Variants in ANKS1B observed in about 807,000 individuals in gnomAD.
ANKS1B encodes ankyrin repeat and sterile alpha motif domain-containing protein 1B.
In ANKS1B, 36 loss-of-function variants were observed where a neutral mutation model predicts 148.3. That is an observed-to-expected ratio of 0.24 (90% confidence interval 0.19 to 0.32). The LOEUF is 0.32. Among genes scored for constraint, ANKS1B ranks in the 10% least tolerant of loss-of-function variants. The pLI is 1.00. For synonymous variants in ANKS1B, 542 were observed against 560.8 expected, an observed-to-expected ratio of 0.97 and a Z score of 0.47; for missense variants, 1,157 against 1,542.6, an observed-to-expected ratio of 0.75 and a Z score of 4.19.
intron 9 of ANKS1B, among the ~76,000 whole-genome samples, chr12:99,625,648 T>C (rs193018652): frequency 1.4e-4 from 21 of 152,284 alleles, no homozygotes; most frequent in South Asian, 6.2e-4. Flanking sequence ...TTTAAAAACA[T>C]ACATAGCTGA....
chr12:98,742,553 C>A (rs1399776148), downstream of ANKS1B, among the ~76,000 whole-genome samples: 1 of 152,184 alleles, frequency 6.6e-6, no homozygotes, highest in Non-Finnish European at 1.5e-5. Flanking sequence ...AATAAGTAGA[C>A]CGACTTGAGC....
At chr12:99,000,840 G>A (rs571988210) in intron 17 of ANKS1B, among the ~76,000 whole-genome samples, 172 of 152,184 alleles carry the variant, frequency 1.1e-3, no homozygotes, top group African/African-American at 4.0e-3. Flanking sequence ...TCCTCAAAGT[G>A]CAATCTTGCA....
At chr12:99,062,883 G>A (rs2153563996) in intron 16 of ANKS1B, among the ~76,000 whole-genome samples, 1 of 152,268 alleles carries the variant, frequency 6.6e-6, no homozygotes, top group Non-Finnish European at 1.5e-5. Context: ...TTACGGATCT[G>A]ACAAGGATGG....
intron 12 of ANKS1B, among the ~76,000 whole-genome samples, chr12:99,382,136 T>C (rs576592438): frequency 2.0e-5 from 3 of 152,308 alleles, no homozygotes; most frequent in African/African-American, 7.2e-5. Context: ...ACTTATCTTA[T>C]TGTTCACACA....
chr12:99,728,902 G>C (rs553565342), intron 8 of ANKS1B, among the ~76,000 whole-genome samples: 1 of 152,084 alleles, frequency 6.6e-6, no homozygotes, highest in Non-Finnish European at 1.5e-5. Flanking sequence ...ACCAAACACC[G>C]CATGTTTTCA....
intron 1 of ANKS1B, among the ~76,000 whole-genome samples, chr12:99,893,134 G>A (rs2093200975): frequency 6.6e-6 from 1 of 152,086 alleles, no homozygotes; most frequent in African/African-American, 2.4e-5. Flanking sequence ...CTATAGGCCG[G>A]GTGCAGTGGC....
downstream of ANKS1B, among the ~76,000 whole-genome samples, chr12:98,739,065 A>G (rs1184315795): frequency 6.6e-6 from 1 of 152,182 alleles, no homozygotes; most frequent in Non-Finnish European, 1.5e-5. Context: ...TCTCTTTCAT[A>G]GGTGTGCAAA....
chr12:99,456,589 T>C (rs2095850738), intron 10 of ANKS1B, among the ~76,000 whole-genome samples: 1 of 152,022 alleles, frequency 6.6e-6, no homozygotes, highest in Non-Finnish European at 1.5e-5. Flanking sequence ...TCACAACTTC[T>C]GGAAATGAAG....
intron 10 of ANKS1B, among the ~76,000 whole-genome samples, chr12:99,453,142 T>C (rs1291218747): frequency 1.3e-5 from 2 of 151,778 alleles, no homozygotes; most frequent in Non-Finnish European, 2.9e-5. Flanking sequence ...TACAAAAAAT[T>C]AGCCAGGCGT....
intron 19 of ANKS1B, among the ~76,000 whole-genome samples, chr12:98,828,931 G>A (rs2099272741): frequency 6.6e-6 from 1 of 152,142 alleles, no homozygotes; most frequent in African/African-American, 2.4e-5. Flanking sequence ...CTTTCTGGGT[G>A]CAATGAGATC....
chr12:99,701,495 G>T (rs1413249868), intron 8 of ANKS1B, among the ~76,000 whole-genome samples: 1 of 151,874 alleles, frequency 6.6e-6, no homozygotes, highest in Non-Finnish European at 1.5e-5. Flanking sequence ...GGTAAACGAG[G>T]TATCCACCAC....
At chr12:99,956,108 T>C (rs2095319616) in intron 1 of ANKS1B, among the ~76,000 whole-genome samples, 1 of 151,542 alleles carries the variant, frequency 6.6e-6, no homozygotes, top group African/African-American at 2.4e-5. Flanking sequence ...GTGAAACCTG[T>C]CTCTACTAAA....
At chr12:99,925,921 C>A (rs2094467694) in intron 1 of ANKS1B, among the ~76,000 whole-genome samples, 1 of 152,122 alleles carries the variant, frequency 6.6e-6, no homozygotes, top group African/African-American at 2.4e-5. Context: ...TGATTCTCAT[C>A]TAACTCAATA....
intron 15 of ANKS1B, among the ~76,000 whole-genome samples, chr12:99,145,249 G>T (rs2064991760): frequency 6.6e-6 from 1 of 152,080 alleles, no homozygotes; most frequent in African/African-American, 2.4e-5. Flanking sequence ...AAGAATGAGT[G>T]CAAGAAGCAA....
At chr12:99,467,646 C>A (rs1195095913) in intron 10 of ANKS1B, among the ~76,000 whole-genome samples, 2 of 152,070 alleles carry the variant, frequency 1.3e-5, no homozygotes, top group African/African-American at 4.8e-5. Context: ...ACACCAATAA[C>A]AGACAAACAG....
intron 17 of ANKS1B, among the ~76,000 whole-genome samples, chr12:98,985,281 T>TA (rs545222149): frequency 2.8e-4 from 43 of 152,156 alleles, no homozygotes; most frequent in African/African-American, 8.7e-4. Flanking sequence ...CCTGGCTAAT[T>TA]AAAAAATTTT....
chr12:98,986,906 A>G (rs1225566346), intron 17 of ANKS1B, among the ~76,000 whole-genome samples: 4 of 152,152 alleles, frequency 2.6e-5, no homozygotes, highest in African/African-American at 9.7e-5. Flanking sequence ...GGCATGAGCC[A>G]CCATGGCTGG....
At chr12:99,142,712 G>A (rs1208671002) in intron 15 of ANKS1B, among the ~76,000 whole-genome samples, 1 of 152,098 alleles carries the variant, frequency 6.6e-6, no homozygotes, top group Non-Finnish European at 1.5e-5. Context: ...TTACCAGGAA[G>A]TCAATGGATT....
intron 9 of ANKS1B, among the ~76,000 whole-genome samples, chr12:99,549,264 C>T (rs2097197480): frequency 6.6e-6 from 1 of 152,148 alleles, no homozygotes. Flanking sequence ...TTAGAAATCA[C>T]AGTAAGCGTG....
Sources: allele counts gnomAD v4.1 joint callset (sites outside exome capture counted in the v4.1 genomes callset), GRCh38; gene constraint gnomAD v4.1.1; transcripts MANE v1.5; gene names NCBI Gene and HGNC (gene_info 2026-07-23, HGNC 2026-07-21).